Variants in KIAA1217 observed in about 807,000 individuals in gnomAD.
KIAA1217 encodes KIAA1217.
KIAA1217 carries 88 observed loss-of-function variants against 163.9 expected under a neutral mutation model. The ratio of observed to expected loss-of-function variants is 0.54; its 90% confidence interval spans 0.45 to 0.64. The LOEUF is 0.64. KIAA1217 is among the 30% of genes least tolerant of loss of function. The pLI is 0.00. For missense variants in KIAA1217, 2,372 were observed against 2,475.0 expected (o/e 0.96, Z 0.88); for synonymous variants, 903 against 923.1 (o/e 0.98, Z 0.39).
chr10:23,783,990 TA>T lies in KIAA1217; in HGVS notation c.-321+88765del, dbSNP rs557107428. On this transcript the variant is annotated intron_variant, in intron 1 of 18. Coordinates refer to the KIAA1217 transcript ENST00000376462. Reference sequence around the variant, plus strand: ...GGTTTTGTCGATTTTATTTATTTATTAAAAAAAAACTTTTGTTGGTTTTTTT... The same window carrying T: ...GGTTTTGTCGATTTTATTTATTTATTAAAAAAAACTTTTGTTGGTTTTTTT... Among the ~76,000 whole-genome samples the T allele has an allele frequency of 8.6e-3, 1,299 of 151,564 alleles. 24 individuals are homozygous for T. Among genetic ancestry groups the T allele is most frequent in the African/African-American group, 0.028 (1,146 of 41,402 alleles).
chr10:23,815,107 C>G (rs902365763), intron 1 of KIAA1217, among the ~76,000 whole-genome samples: 2 of 152,014 alleles, frequency 1.3e-5, no homozygotes, highest in East Asian at 3.9e-4. Context: ...TTTTATAAAT[C>G]TAAAACATTA....
At chr10:24,031,566 C>T (rs1256520272) in intron 2 of KIAA1217, among the ~76,000 whole-genome samples, 4 of 152,172 alleles carry the variant, frequency 2.6e-5, no homozygotes, top group African/African-American at 9.7e-5. Flanking sequence ...TCCCAAACTG[C>T]TGGAATTACA....
chr10:24,326,561 G>A (rs991419866), intron 2 of KIAA1217, among the ~76,000 whole-genome samples: 4 of 152,042 alleles, frequency 2.6e-5, no homozygotes, highest in African/African-American at 7.2e-5. Flanking sequence ...GGTGTGAAAG[G>A]CATGGTTATC....
intron 2 of KIAA1217, among the ~76,000 whole-genome samples, chr10:24,350,302 G>C (rs1591212627): frequency 6.6e-6 from 1 of 152,202 alleles, no homozygotes; most frequent in African/African-American, 2.4e-5. Flanking sequence ...TGTGTATCGT[G>C]TAATTCCAGG....
chr10:23,747,482 A>T (rs1413858963), intron 1 of KIAA1217, among the ~76,000 whole-genome samples: 2 of 152,090 alleles, frequency 1.3e-5, no homozygotes, highest in Non-Finnish European at 2.9e-5. Context: ...AGTTCAAGGA[A>T]ATATGCTCCC....
intron 2 of KIAA1217, among the ~76,000 whole-genome samples, chr10:24,143,376 C>T (rs961770808): frequency 7.9e-5 from 12 of 152,178 alleles, no homozygotes; most frequent in African/African-American, 2.9e-4. Context: ...AAGCGATTCT[C>T]CTGCCTCAGC....
chr10:23,854,105 T>G (rs1314447926), intron 1 of KIAA1217, among the ~76,000 whole-genome samples: 6 of 152,160 alleles, frequency 3.9e-5, no homozygotes, highest in Non-Finnish European at 5.9e-5. Context: ...ATTGTGATGT[T>G]AGGGTGTCAA....
intron 2 of KIAA1217, among the ~76,000 whole-genome samples, chr10:24,290,801 C>T (rs1480882117): frequency 6.6e-6 from 1 of 151,900 alleles, no homozygotes; most frequent in Admixed American, 6.6e-5. Flanking sequence ...AGGGTTTCAC[C>T]ATGTTGGCTA....
chr10:24,466,963 A>G (rs1186126162), intron 5 of KIAA1217, among the ~76,000 whole-genome samples: 3 of 150,042 alleles, frequency 2.0e-5, no homozygotes, highest in Non-Finnish European at 4.5e-5. Flanking sequence ...TCCACAAGCA[A>G]TATATATATA....
At chr10:24,117,154 C>T (rs2063090772) in intron 2 of KIAA1217, among the ~76,000 whole-genome samples, 1 of 152,068 alleles carries the variant, frequency 6.6e-6, no homozygotes, top group South Asian at 2.1e-4. Context: ...TCTCCTGCCT[C>T]AGCCTCCCTA....
At chr10:23,976,843 T>A (rs909921639) in intron 1 of KIAA1217, among the ~76,000 whole-genome samples, 1 of 152,232 alleles carries the variant, frequency 6.6e-6, no homozygotes, top group Non-Finnish European at 1.5e-5. Context: ...AAATTCTTGA[T>A]GCTTTAAGAT....
At chr10:24,386,489 G>A (rs1305978747) in intron 3 of KIAA1217, among the ~76,000 whole-genome samples, 1 of 152,148 alleles carries the variant, frequency 6.6e-6, no homozygotes, top group African/African-American at 2.4e-5. Context: ...CAAAGAGGGG[G>A]CAACAACTGT....
chr10:23,901,341 A>T (rs1364600185), intron 1 of KIAA1217, among the ~76,000 whole-genome samples: 1 of 152,124 alleles, frequency 6.6e-6, no homozygotes, highest in Non-Finnish European at 1.5e-5. Flanking sequence ...TGAAAACTTT[A>T]AAAAATTCCA....
chr10:23,879,892 T>A (rs1840876179), intron 1 of KIAA1217, among the ~76,000 whole-genome samples: 1 of 151,954 alleles, frequency 6.6e-6, no homozygotes, highest in East Asian at 1.9e-4. Flanking sequence ...AAGGGATGTG[T>A]ATGCAGTGGA....
intron 1 of KIAA1217, among the ~76,000 whole-genome samples, chr10:23,734,497 A>G (rs11013677): frequency 0.22 from 33,099 of 151,608 alleles, 3,853 homozygotes; most frequent in Middle Eastern, 0.29. Flanking sequence ...CCAGGTTGGC[A>G]AGGCTGATCT....
intron 2 of KIAA1217, among the ~76,000 whole-genome samples, chr10:24,168,726 C>T (rs75326588): frequency 0.015 from 2,221 of 152,342 alleles, 59 homozygotes; most frequent in African/African-American, 0.051. Context: ...AAGCCAGCCT[C>T]GGTTCTCTCC....
chr10:24,013,354 A>C (rs1189681005), intron 2 of KIAA1217, among the ~76,000 whole-genome samples: 1 of 151,830 alleles, frequency 6.6e-6, no homozygotes, highest in Middle Eastern at 3.5e-3. Flanking sequence ...ATGTTATTTC[A>C]ATATACATCT....
intron 1 of KIAA1217, among the ~76,000 whole-genome samples, chr10:23,886,729 G>A (rs942304477): frequency 6.6e-6 from 1 of 151,874 alleles, no homozygotes; most frequent in African/African-American, 2.4e-5. Context: ...CTTTTAGACT[G>A]GGTGGTTATG....
At chr10:23,886,825 C>T (rs1355930384) in intron 1 of KIAA1217, among the ~76,000 whole-genome samples, 1 of 150,676 alleles carries the variant, frequency 6.6e-6, no homozygotes, top group Admixed American at 6.6e-5. Flanking sequence ...TAGGAGCAAC[C>T]AATCTTGTTG....
Sources: gnomAD v4.1 joint callset for allele counts (sites outside exome capture counted in the v4.1 genomes callset) on GRCh38, gnomAD v4.1.1 for gene constraint, MANE v1.5 for transcripts, NCBI Gene and HGNC (gene_info 2026-07-23, HGNC 2026-07-21) for gene names.